HACL2: variants seen among roughly 807,000 people sequenced by gnomAD.
The protein encoded by HACL2 is 2-hydroxyacyl-CoA lyase 1 like.
the HACL2 span, chr19:15,123,385 G>A: frequency 1.7e-5 from 27 of 1,613,670 alleles, no homozygotes; most frequent in East Asian, 5.8e-4. This position sits in a 1 kb window ranked among gnomAD's most constrained non-coding sequence, Gnocchi z 5.1. Flanking sequence ...CGGACAGGCG[G>A]GCCATAGCAT....
At chr19:15,119,882 C>T in the HACL2 span, 3 of 820,098 alleles carry the variant, frequency 3.7e-6, no homozygotes, top group Non-Finnish European at 5.6e-6. Flanking sequence ...CATGAGCACC[C>T]AAGATTAAGG....
At chr19:15,118,693 A>G in the HACL2 span, among the ~76,000 whole-genome samples, 7 of 152,168 alleles carry the variant, frequency 4.6e-5, no homozygotes, top group African/African-American at 1.4e-4. Context: ...TCCTTCACCA[A>G]GTCGGCCAGC....
At chr19:15,115,875 T>A in the HACL2 span, 1 of 1,614,102 alleles carries the variant, frequency 6.2e-7, no homozygotes, top group Non-Finnish European at 8.5e-7. Context: ...TGTATCAAAT[T>A]CGATGAGGCT....
chr19:15,122,732 G>A, the HACL2 span: 1 of 1,614,184 alleles, frequency 6.2e-7, no homozygotes, highest in Non-Finnish European at 8.5e-7. The surrounding 1 kb of genome is among the most constrained non-coding windows in gnomAD (Gnocchi z 4.0). Flanking sequence ...GGGTGGCTTG[G>A]CTGGCACCAT....
the HACL2 span, chr19:15,125,343 T>G: frequency 2.1e-6 from 1 of 474,388 alleles, no homozygotes; most frequent in East Asian, 3.9e-5. Context: ...CAAGTCAAGG[T>G]GGCGACGACA....
chr19:15,122,194 C>T, the HACL2 span, among the ~76,000 whole-genome samples: 8 of 151,280 alleles, frequency 5.3e-5, no homozygotes, highest in East Asian at 2.0e-4. This position sits in a 1 kb window ranked among gnomAD's most constrained non-coding sequence, Gnocchi z 4.0. Flanking sequence ...TGAGAGCCAC[C>T]GCACCCGGCC....
At chr19:15,119,902 T>C in the HACL2 span, 1 of 964,376 alleles carries the variant, frequency 1.0e-6, no homozygotes, top group African/African-American at 1.7e-5. Context: ...GCCCCAGTAC[T>C]GACTCAGGGA....
At chr19:15,121,346 G>A in the HACL2 span, among the ~76,000 whole-genome samples, 1 of 152,172 alleles carries the variant, frequency 6.6e-6, no homozygotes, top group African/African-American at 2.4e-5. Context: ...ACAGGAGCCT[G>A]ACTACCTTGT....
chr19:15,117,937 C>A, the HACL2 span: 1 of 1,614,052 alleles, frequency 6.2e-7, no homozygotes, highest in South Asian at 1.1e-5. Context: ...CATCTCTTCC[C>A]GATTACGATT....
the HACL2 span, chr19:15,116,104 C>T: frequency 1.1e-5 from 17 of 1,613,134 alleles, no homozygotes; most frequent in African/African-American, 1.3e-4. Context: ...GGTGTGAAGG[C>T]GTCCTGATGG....
the HACL2 span, chr19:15,123,236 C>T: frequency 6.2e-7 from 1 of 1,613,864 alleles, no homozygotes. The surrounding 1 kb of genome is among the most constrained non-coding windows in gnomAD (Gnocchi z 5.1). Context: ...CCGCCACGCC[C>T]ACCGTCCCTG....
At chr19:15,115,177 C>T in the HACL2 span, 1 of 1,560,156 alleles carries the variant, frequency 6.4e-7, no homozygotes, top group Admixed American at 1.7e-5. Flanking sequence ...CCAGGGCAAG[C>T]AATGATGAGA....
chr19:15,117,698 A>T, the HACL2 span: 1 of 585,206 alleles, frequency 1.7e-6, no homozygotes, highest in East Asian at 2.9e-5. Context: ...AAAATAAAAA[A>T]AATTTAAAGA....
At chr19:15,115,738 G>C in the HACL2 span, 1 of 1,574,872 alleles carries the variant, frequency 6.3e-7, no homozygotes, top group South Asian at 1.1e-5. Context: ...AGAGGACAGA[G>C]ACAGGGATAG....
At chr19:15,125,672 T>C in the HACL2 span, 1 of 152,664 alleles carries the variant, frequency 6.6e-6, no homozygotes, top group South Asian at 2.0e-4. Context: ...CTCCAGGATA[T>C]GGCGCTGCCT....
At chr19:15,117,426 A>G in the HACL2 span, 2 of 160,774 alleles carry the variant, frequency 1.2e-5, no homozygotes, top group Non-Finnish European at 2.7e-5. Flanking sequence ...TAATCCCAGC[A>G]CTTTTGAGAG....
At chr19:15,123,520 G>T in the HACL2 span, 1 of 1,614,128 alleles carries the variant, frequency 6.2e-7, no homozygotes, top group Non-Finnish European at 8.5e-7. The surrounding 1 kb of genome is among the most constrained non-coding windows in gnomAD (Gnocchi z 5.1). Context: ...GCACACCATG[G>T]GCCCTCAGCA....
At chr19:15,119,573 C>T in the HACL2 span, 2 of 1,423,892 alleles carry the variant, frequency 1.4e-6, no homozygotes, top group Non-Finnish European at 1.9e-6. Flanking sequence ...TTTTTTGAGA[C>T]ACAGTTTCAC....
chr19:15,116,880 C>T, the HACL2 span: 7 of 276,762 alleles, frequency 2.5e-5, no homozygotes, highest in Admixed American at 5.0e-5. Context: ...CACGTGGAAG[C>T]GCACAGCGAA....
Sources: allele counts gnomAD v4.1 joint callset (sites outside exome capture counted in the v4.1 genomes callset), GRCh38; gene constraint gnomAD v4.1.1; non-coding constraint Gnocchi (gnomAD v3.1); transcripts MANE v1.5; gene names NCBI Gene and HGNC (gene_info 2026-07-23, HGNC 2026-07-21).